The following SPOPL variants were observed in gnomAD, a reference collection of about 807,000 sequenced individuals.
SPOPL encodes speckle-type POZ protein-like.
A neutral mutation model predicts 53.8 loss-of-function variants in SPOPL; 23 were observed. The ratio of observed to expected loss-of-function variants is 0.43; its 90% CI spans 0.31 to 0.61. The LOEUF is 0.61. Ranked by LOEUF, SPOPL falls within the 20% of genes least tolerant of loss-of-function variation. The pLI, the probability that SPOPL is intolerant of heterozygous loss-of-function variation, is 0.12. For synonymous variants in SPOPL, 164 were observed against 149.7 expected, an observed-to-expected ratio of 1.10 and a Z score of -0.70; for missense variants, 442 against 466.9, an observed-to-expected ratio of 0.95 and a Z score of 0.49.
intron 5 of SPOPL, among the ~76,000 whole-genome samples, chr2:138,555,131 G>GGTGTGTGTGTGTGTGTGTGT (rs61000380): frequency 7.1e-6 from 1 of 140,090 alleles, no homozygotes; most frequent in Non-Finnish European, 1.5e-5. Context: ...AGGGTAGGAG[G>GGTGTGTGTGTGTGTGTGTGT]GTGTGTGTGT....
At position 138,568,821 on chromosome 2, in the gene SPOPL, A is replaced by G. The variant is rs548562420; in HGVS notation, c.1035-115A>G. On this transcript the variant is annotated intron_variant, in intron 10 of 10. Transcript: ENST00000280098. ...TAATAAAAGCAAATGATTTGAATAC[A>G]TAGGTAAAAAGTGTTCAAATATTTT... The G allele has an allele frequency of 3.5e-4, 361 of 1,032,512 alleles. 1 individual carries two copies. Among genetic ancestry groups the G allele is most frequent in the Non-Finnish European group, 5.0e-4 (348 of 696,100 alleles). The allele number at this position is 1,032,512 out of a possible 1,614,324, so 64.0% of individuals were successfully genotyped here. A position where few individuals can be genotyped will look rare whatever the true frequency, so the allele number is the denominator to read the frequency against.
intron 1 of SPOPL, among the ~76,000 whole-genome samples, chr2:138,529,809 C>T (rs1440558319): frequency 6.6e-6 from 1 of 152,194 alleles, no homozygotes; most frequent in Admixed American, 6.5e-5. Context: ...TCTGAAAATA[C>T]ATAATTTTTT....
Position 138,565,935 on chromosome 2 carries a change from C to T in SPOPL, c.1034+942C>T, listed in dbSNP as rs1286468122. ...ATTTTTAGCAGAGACGGGTTTTCAC[C>T]GTGGTAGCCAGGATGGTCTCGATCT... is the stretch of plus-strand genomic sequence containing the variant. On this transcript the variant is annotated intron_variant, in intron 10 of 10. Transcript: ENST00000280098. Among the ~76,000 whole-genome samples the T allele has an allele frequency of 2.6e-5, 4 of 152,008 alleles. 1 individual carries two copies. The highest frequency in any genetic ancestry group is 4.2e-4 in the South Asian group (2 of 4,812).
rs1438268005 is a variant in SPOPL, at chr2:138,573,268, T to G, written c.*4188T>G. 5 of 152,196 alleles carry G rather than the reference T, an allele frequency of 3.3e-5. No homozygotes were observed. Among genetic ancestry groups the G allele is most frequent in the Non-Finnish European group, 1.5e-5 (1 of 68,010 alleles). 9.4% of individuals were successfully genotyped at this position (152,196 alleles called of 1,614,324 possible). ...ATCTTGTGTTTATTTGAAGAATACA[T>G]ACTCTTCTTTTTCAGGTTGGTATGA... On this transcript the variant is annotated 3_prime_UTR_variant, in exon 11 of 11. Transcript: ENST00000280098.
At chr2:138,562,222 G>A (rs1685564629) in intron 8 of SPOPL, among the ~76,000 whole-genome samples, 1 of 148,184 alleles carries the variant, frequency 6.7e-6, no homozygotes, top group Non-Finnish European at 1.5e-5. Flanking sequence ...TAATAACTTT[G>A]GGGAAAAAAA....
intron 5 of SPOPL, among the ~76,000 whole-genome samples, chr2:138,557,486 A>C (rs1450342287): frequency 1.3e-5 from 2 of 152,128 alleles, no homozygotes; most frequent in Admixed American, 6.5e-5. Context: ...TTCTCCAAAC[A>C]TTTTACATTG....
chr2:138,565,970 A>G (rs1400432363), intron 10 of SPOPL, among the ~76,000 whole-genome samples: 1 of 152,040 alleles, frequency 6.6e-6, no homozygotes, highest in East Asian at 1.9e-4. Context: ...TCCTGACCTC[A>G]TGATCCGCCT....
At chr2:138,563,436 T>A (rs1263421135) in intron 8 of SPOPL, among the ~76,000 whole-genome samples, 2 of 152,032 alleles carry the variant, frequency 1.3e-5, no homozygotes, top group Non-Finnish European at 2.9e-5. Flanking sequence ...GAGCCCTAAT[T>A]GTGCCACTGC....
chr2:138,507,064 A>G (rs2104852863), intron 1 of SPOPL, among the ~76,000 whole-genome samples: 1 of 152,352 alleles, frequency 6.6e-6, no homozygotes, highest in African/African-American at 2.4e-5. Context: ...TGCAACTGGG[A>G]AATTAAGTGG....
At chr2:138,562,166 C>CT (rs981485060) in intron 8 of SPOPL, among the ~76,000 whole-genome samples, 159 of 136,860 alleles carry the variant, frequency 1.2e-3, no homozygotes, top group African/African-American at 1.3e-3. Flanking sequence ...AGTCTTTTTT[C>CT]TTTTTTTTTT....
At chr2:138,565,755 A>G (rs1258666020) in intron 10 of SPOPL, among the ~76,000 whole-genome samples, 3 of 149,266 alleles carry the variant, frequency 2.0e-5, no homozygotes, top group Non-Finnish European at 3.0e-5. Flanking sequence ...TTTTTTTGAG[A>G]CAGAGTCTCA....
chr2:138,552,882 T>C (rs1685343697), intron 5 of SPOPL, among the ~76,000 whole-genome samples: 1 of 152,080 alleles, frequency 6.6e-6, no homozygotes, highest in Admixed American at 6.5e-5. Flanking sequence ...TCTGTCATAT[T>C]TCTAGCTATA....
At chr2:138,547,651 A>G (rs1476896783) in intron 1 of SPOPL, among the ~76,000 whole-genome samples, 2 of 152,164 alleles carry the variant, frequency 1.3e-5, no homozygotes, top group East Asian at 3.8e-4. Flanking sequence ...TGTATTAATT[A>G]AAACATAACA....
intron 1 of SPOPL, among the ~76,000 whole-genome samples, chr2:138,544,448 C>G (rs928353667): frequency 3.3e-5 from 5 of 152,228 alleles, no homozygotes; most frequent in African/African-American, 1.2e-4. Context: ...GCTCCTCCCC[C>G]AGCCTCGCTG....
chr2:138,527,475 ATAT>A (rs1311661409), intron 1 of SPOPL, among the ~76,000 whole-genome samples: 9 of 152,140 alleles, frequency 5.9e-5, no homozygotes, highest in Admixed American at 1.3e-4. Flanking sequence ...AGTTATGACT[ATAT>A]TATTATTTAT....
At chr2:138,526,216 C>G (rs1684672626) in intron 1 of SPOPL, among the ~76,000 whole-genome samples, 1 of 152,044 alleles carries the variant, frequency 6.6e-6, no homozygotes, top group Admixed American at 6.6e-5. Context: ...GGAATGGACC[C>G]ACAGAGTATG....
chr2:138,537,228 A>G (rs1034416380), intron 1 of SPOPL, among the ~76,000 whole-genome samples: 1 of 152,182 alleles, frequency 6.6e-6, no homozygotes, highest in African/African-American at 2.4e-5. Flanking sequence ...GGCTGGGAGC[A>G]TCGGCAGACT....
chr2:138,543,317 T>A (rs1357770729), intron 1 of SPOPL, among the ~76,000 whole-genome samples: 1 of 152,190 alleles, frequency 6.6e-6, no homozygotes, highest in Non-Finnish European at 1.5e-5. Flanking sequence ...CTGGATAATA[T>A]CCTGCAGAGT....
At chr2:138,521,873 A>G (rs534735928) in intron 1 of SPOPL, among the ~76,000 whole-genome samples, 1 of 152,326 alleles carries the variant, frequency 6.6e-6, no homozygotes, top group South Asian at 2.1e-4. Flanking sequence ...ATAGTACCCA[A>G]GTAAAATGGA....
Sources: gnomAD v4.1 joint callset for allele counts (sites outside exome capture counted in the v4.1 genomes callset) on GRCh38, gnomAD v4.1.1 for gene constraint, MANE v1.5 for transcripts, NCBI Gene and HGNC (gene_info 2026-07-23, HGNC 2026-07-21) for gene names.